CMTM7: variants seen among roughly 807,000 people sequenced by gnomAD.
CMTM7 encodes the protein CKLF-like MARVEL transmembrane domain-containing protein 7.
A neutral mutation model predicts 19.3 loss-of-function variants in CMTM7; 7 were observed. The observed-to-expected ratio is 0.36, with a 90% CI of 0.21 to 0.68. CMTM7 has a LOEUF of 0.68. CMTM7 is among the 30% of genes least tolerant of loss of function. CMTM7 has a pLI of 0.60. For missense variants in CMTM7, 193 were observed against 232.6 expected, an observed-to-expected ratio of 0.83 and a Z score of 1.11; for synonymous variants, 87 against 99.3, an observed-to-expected ratio of 0.88 and a Z score of 0.74.
chr3:32,445,385 T>C (rs760363109), intron 2 of CMTM7, among the ~76,000 whole-genome samples: 6 of 152,216 alleles, frequency 3.9e-5, no homozygotes, highest in Non-Finnish European at 8.8e-5. Context: ...AGTTCCCTTC[T>C]AGCATTACTT....
intron 1 of CMTM7, among the ~76,000 whole-genome samples, chr3:32,424,796 C>T (rs918297661): frequency 6.6e-6 from 1 of 152,142 alleles, no homozygotes; most frequent in Non-Finnish European, 1.5e-5. Flanking sequence ...CAGGTGTGCG[C>T]CACTGCACCC....
intron 2 of CMTM7, among the ~76,000 whole-genome samples, chr3:32,446,131 A>ACCAT (rs34789372): frequency 0.78 from 117,822 of 151,590 alleles, 46,051 homozygotes; most frequent in Non-Finnish European, 0.79. Context: ...TAGCAGTGAC[A>ACCAT]CTGGGTCTCA....
At chr3:32,438,291 C>T (rs568194998) in intron 1 of CMTM7, among the ~76,000 whole-genome samples, 5 of 152,168 alleles carry the variant, frequency 3.3e-5, no homozygotes, top group Admixed American at 6.5e-5. Flanking sequence ...TCTTTTTTAA[C>T]TTGTATATTA....
chr3:32,447,025 C>T (rs1696763670), intron 2 of CMTM7, among the ~76,000 whole-genome samples: 1 of 151,958 alleles, frequency 6.6e-6, no homozygotes, highest in Non-Finnish European at 1.5e-5. Flanking sequence ...AATTTGAGAC[C>T]TTCCTTCTCC....
chr3:32,444,915 C>T (rs906221982), intron 2 of CMTM7, among the ~76,000 whole-genome samples: 1 of 152,086 alleles, frequency 6.6e-6, no homozygotes, highest in Non-Finnish European at 1.5e-5. Context: ...TGTGCCTGGC[C>T]TGAACTTTTT....
At chr3:32,415,142 C>T (rs543273568) in intron 1 of CMTM7, among the ~76,000 whole-genome samples, 11 of 152,112 alleles carry the variant, frequency 7.2e-5, no homozygotes, top group South Asian at 4.2e-4. Flanking sequence ...CTCTGGCTGA[C>T]GAGATCACGC....
At chr3:32,424,076 C>G (rs562759705) in intron 1 of CMTM7, among the ~76,000 whole-genome samples, 1 of 152,154 alleles carries the variant, frequency 6.6e-6, no homozygotes, top group Non-Finnish European at 1.5e-5. Flanking sequence ...CCAGACAGGG[C>G]GCAGTGGAGA....
chr3:32,394,328 G>T (rs772642345), intron 1 of CMTM7, among the ~76,000 whole-genome samples: 9 of 151,386 alleles, frequency 5.9e-5, no homozygotes, highest in Non-Finnish European at 1.2e-4. Flanking sequence ...ACCCATTGGG[G>T]CTTTCTTTCT....
chr3:32,407,030 A>T (rs3933204), intron 1 of CMTM7, among the ~76,000 whole-genome samples: 1 of 152,194 alleles, frequency 6.6e-6, no homozygotes, highest in Non-Finnish European at 1.5e-5. Flanking sequence ...TGGGGGATGG[A>T]TGCACAGACC....
In CMTM7 at chr3:32,449,532, A is replaced by G. The variant is rs780093363; in HGVS notation, c.412A>G (p.Ser138Gly). Reference sequence around the variant, plus strand: ...GGCAGCTTCCAAGAGTTACAACCAGAGCGGACTGGTAGCCGGAGCGGTGAG... The same window carrying G: ...GGCAGCTTCCAAGAGTTACAACCAGGGCGGACTGGTAGCCGGAGCGGTGAG... ...IVAASKSYNQSGLVAGAIFGF... is the reference protein window; with the variant it reads ...IVAASKSYNQGGLVAGAIFGF... The change falls in exon 3 of 5, where the codon AGC (serine) becomes GGC (glycine). Residue 138 changes from serine to glycine, a missense_variant. Transcript: ENST00000334983. This position sits in a 1 kb window ranked among gnomAD's most constrained non-coding sequence, Gnocchi z 4.5. The G allele has an allele frequency of 6.2e-7, 1 of 1,613,824 alleles. No individual in the cohort carries two copies. Among genetic ancestry groups the G allele is most frequent in the Non-Finnish European group, 8.5e-7 (1 of 1,179,700 alleles).
chr3:32,422,046 C>A (rs533063655), intron 1 of CMTM7, among the ~76,000 whole-genome samples: 1 of 152,288 alleles, frequency 6.6e-6, no homozygotes, highest in South Asian at 2.1e-4. Context: ...TGCTTTATTG[C>A]TCCTGTTTGG....
At chr3:32,444,325 C>A (rs894220032) in intron 2 of CMTM7, among the ~76,000 whole-genome samples, 1 of 152,200 alleles carries the variant, frequency 6.6e-6, no homozygotes, top group African/African-American at 2.4e-5. Flanking sequence ...TTCTTTCCCC[C>A]ATTGAATGGC....
At chr3:32,435,962 TTCC>T (rs1184043574) in intron 1 of CMTM7, among the ~76,000 whole-genome samples, 1 of 152,218 alleles carries the variant, frequency 6.6e-6, no homozygotes, top group Non-Finnish European at 1.5e-5. Flanking sequence ...TGTTACCAGC[TTCC>T]TATGTGTCCT....
intron 4 of CMTM7, among the ~76,000 whole-genome samples, chr3:32,453,565 C>G (rs1696867309): frequency 1.3e-5 from 2 of 152,124 alleles, no homozygotes; most frequent in Admixed American, 1.3e-4. Flanking sequence ...GGGCATTACT[C>G]ATGGAATCCT....
In CMTM7 at chr3:32,454,417, T is replaced by C. The variant is rs1333066959; in HGVS notation, c.*163T>C. On this transcript the variant is annotated 3_prime_UTR_variant, in exon 5 of 5. Coordinates refer to ENST00000334983, the MANE Select transcript of CMTM7 (RefSeq NM_138410.4). The stretch of plus-strand genomic sequence containing the variant: ...CTGCTCTCCCAGGAAGCCAGCTCCC[T>C]GAGCTCCTGAGCCAGCCGGAAACTC... 5 of 808,110 alleles carry C rather than the reference T, an allele frequency of 6.2e-6. No homozygotes were observed. Among genetic ancestry groups the C allele is most frequent in the Non-Finnish European group, 1.1e-5 (5 of 472,292 alleles). The allele number at this position is 808,110 out of a possible 1,614,324, so 50.1% of individuals were successfully genotyped here.
intron 1 of CMTM7, among the ~76,000 whole-genome samples, chr3:32,397,321 A>G (rs1335011601): frequency 7.3e-6 from 1 of 136,168 alleles, no homozygotes; most frequent in Non-Finnish European, 1.6e-5. Flanking sequence ...GATTTTAGCA[A>G]GAACTTATGA....
chr3:32,419,418 G>A (rs989556261), intron 1 of CMTM7, among the ~76,000 whole-genome samples: 2 of 152,196 alleles, frequency 1.3e-5, no homozygotes, highest in African/African-American at 4.8e-5. Context: ...GTATAAGAAT[G>A]TGAGAAAAGA....
intron 2 of CMTM7, among the ~76,000 whole-genome samples, chr3:32,445,285 T>C (rs1353884046): frequency 6.6e-6 from 1 of 152,212 alleles, no homozygotes; most frequent in African/African-American, 2.4e-5. Flanking sequence ...CATTATCTTT[T>C]TCCTCATGTT....
At chr3:32,426,001 C>G (rs1696426110) in intron 1 of CMTM7, among the ~76,000 whole-genome samples, 1 of 152,084 alleles carries the variant, frequency 6.6e-6, no homozygotes, top group Non-Finnish European at 1.5e-5. Flanking sequence ...TGAAATTAGC[C>G]AGGCATGGTG....
Sources: allele counts gnomAD v4.1 joint callset (sites outside exome capture counted in the v4.1 genomes callset), GRCh38; gene constraint gnomAD v4.1.1; non-coding constraint Gnocchi (gnomAD v3.1); transcripts MANE v1.5; gene names NCBI Gene and HGNC (gene_info 2026-07-23, HGNC 2026-07-21).